The following XIRP2 variants were observed in gnomAD, a reference collection of about 807,000 sequenced individuals.
XIRP2 encodes xin actin-binding repeat-containing protein 2.
A neutral mutation model predicts 277.0 loss-of-function variants in XIRP2; 236 were observed. The ratio of observed to expected loss-of-function variants is 0.85; its 90% CI spans 0.77 to 0.95. The LOEUF (loss-of-function observed/expected upper bound fraction) is 0.95. Ranked by LOEUF, XIRP2 falls within the 40% of genes least tolerant of loss-of-function variation. XIRP2 has a pLI of 0.00. For missense variants in XIRP2, 4,640 were observed against 4,157.5 expected (o/e 1.12, Z -3.19); for synonymous variants, 1,490 against 1,416.5 (o/e 1.05, Z -1.17).
chr2:167,185,045 A>C (rs1284024003), intron 3 of XIRP2, among the ~76,000 whole-genome samples: 1 of 152,162 alleles, frequency 6.6e-6, no homozygotes, highest in Non-Finnish European at 1.5e-5. Context: ...ATAATTGATT[A>C]AACTGTTATT....
At chr2:166,956,236 T>G (rs1350206421) in intron 2 of XIRP2, among the ~76,000 whole-genome samples, 1 of 151,848 alleles carries the variant, frequency 6.6e-6, no homozygotes, top group Non-Finnish European at 1.5e-5. Context: ...ATGTGATTGG[T>G]CATTGATTAT....
At chr2:167,033,464 C>T (rs1045800769) in intron 2 of XIRP2, among the ~76,000 whole-genome samples, 8 of 151,842 alleles carry the variant, frequency 5.3e-5, no homozygotes, top group Non-Finnish European at 1.0e-4. Context: ...TTATTCAATG[C>T]AATAAAAACA....
At chr2:167,010,878 T>C (rs1186060125) in intron 2 of XIRP2, among the ~76,000 whole-genome samples, 4 of 152,114 alleles carry the variant, frequency 2.6e-5, no homozygotes, top group Admixed American at 6.6e-5. Context: ...GTTTGTCTGT[T>C]ATTGGTGTAT....
At chr2:167,169,558 TAAG>T (rs1456673942) in intron 3 of XIRP2, among the ~76,000 whole-genome samples, 2 of 152,244 alleles carry the variant, frequency 1.3e-5, no homozygotes, top group Non-Finnish European at 2.9e-5. Flanking sequence ...CTGATAGATC[TAAG>T]AAGAGTTGAT....
chr2:167,029,738 A>G (rs1688280425), intron 2 of XIRP2, among the ~76,000 whole-genome samples: 1 of 152,108 alleles, frequency 6.6e-6, no homozygotes, highest in African/African-American at 2.4e-5. Flanking sequence ...GTTAGGGAGG[A>G]GTCCCTCTTT....
intron 2 of XIRP2, among the ~76,000 whole-genome samples, chr2:167,009,967 C>G (rs2470049): frequency 6.6e-6 from 1 of 151,842 alleles, no homozygotes; most frequent in African/African-American, 2.4e-5. Context: ...GGATATTAGC[C>G]CTTTGTCAGA....
intron 5 of XIRP2, among the ~76,000 whole-genome samples, chr2:167,223,983 T>C (rs1250029109): frequency 6.6e-6 from 1 of 152,108 alleles, no homozygotes; most frequent in Admixed American, 6.5e-5. Context: ...TAATTTGTTA[T>C]AAAAAAGAAA....
chr2:167,059,089 A>AC (rs1402865292), intron 2 of XIRP2, among the ~76,000 whole-genome samples: 1 of 148,734 alleles, frequency 6.7e-6, no homozygotes, highest in Non-Finnish European at 1.5e-5. Flanking sequence ...AGAGGATTTA[A>AC]CTTTTTTTTC....
At chr2:166,954,086 T>G (rs141049020) in intron 2 of XIRP2, among the ~76,000 whole-genome samples, 1 of 151,848 alleles carries the variant, frequency 6.6e-6, no homozygotes, top group African/African-American at 2.4e-5. Context: ...ATAACCCTAC[T>G]GGGTGTGTGT....
intron 3 of XIRP2, among the ~76,000 whole-genome samples, chr2:167,154,840 G>T (rs193091956): frequency 0.098 from 14,922 of 151,906 alleles, 785 homozygotes; most frequent in South Asian, 0.15. Context: ...AAAATTGATA[G>T]ACAGCTAGCA....
At chr2:167,084,827 T>G (rs1201020233) in intron 2 of XIRP2, among the ~76,000 whole-genome samples, 25 of 151,412 alleles carry the variant, frequency 1.7e-4, no homozygotes, top group African/African-American at 5.6e-4. Context: ...TTGATTCTTC[T>G]CTCTTTTTTT....
intron 2 of XIRP2, among the ~76,000 whole-genome samples, chr2:167,016,198 C>T (rs1391231190): frequency 1.3e-5 from 2 of 151,912 alleles, no homozygotes; most frequent in East Asian, 1.9e-4. Context: ...TCTCCTTCCT[C>T]CTCCTCATAT....
chr2:166,913,154 T>A (rs1395957253), intron 2 of XIRP2, among the ~76,000 whole-genome samples: 1 of 152,214 alleles, frequency 6.6e-6, no homozygotes, highest in Non-Finnish European at 1.5e-5. Context: ...TGTTTAAGTC[T>A]GCAGAAGTTT....
chr2:167,222,453 C>T (rs1694461945), intron 5 of XIRP2, among the ~76,000 whole-genome samples: 1 of 152,158 alleles, frequency 6.6e-6, no homozygotes, highest in Non-Finnish European at 1.5e-5. Context: ...TAACATTACC[C>T]ATTTCGATTT....
intron 2 of XIRP2, among the ~76,000 whole-genome samples, chr2:167,081,920 C>T (rs1482903023): frequency 6.7e-6 from 1 of 149,590 alleles, no homozygotes; most frequent in Non-Finnish European, 1.5e-5. Flanking sequence ...GAATCATACA[C>T]TTATATCCAC....
intron 2 of XIRP2, among the ~76,000 whole-genome samples, chr2:167,129,518 T>C (rs1206568411): frequency 1.3e-5 from 2 of 152,158 alleles, no homozygotes; most frequent in African/African-American, 2.4e-5. Context: ...GCATTTTTCA[T>C]TCTCACATCT....
At chr2:167,027,439 C>T (rs1322769670) in intron 2 of XIRP2, among the ~76,000 whole-genome samples, 1 of 152,030 alleles carries the variant, frequency 6.6e-6, no homozygotes, top group African/African-American at 2.4e-5. Flanking sequence ...AACTTCTTTG[C>T]CATTGGTTTG....
chr2:167,016,831 G>T (rs1436382598), intron 2 of XIRP2, among the ~76,000 whole-genome samples: 1 of 151,976 alleles, frequency 6.6e-6, no homozygotes, highest in Non-Finnish European at 1.5e-5. Flanking sequence ...CAAGCTGATG[G>T]AGAGTTATTA....
intron 3 of XIRP2, among the ~76,000 whole-genome samples, chr2:167,176,397 C>A (rs1692848938): frequency 6.6e-6 from 1 of 152,188 alleles, no homozygotes; most frequent in Non-Finnish European, 1.5e-5. Context: ...ATATCACCCG[C>A]CTTCTGCATT....
Sources: gnomAD v4.1 joint callset for allele counts (sites outside exome capture counted in the v4.1 genomes callset) on GRCh38, gnomAD v4.1.1 for gene constraint, MANE v1.5 for transcripts, NCBI Gene and HGNC (gene_info 2026-07-23, HGNC 2026-07-21) for gene names.